Variants in CSMD1 observed in about 807,000 individuals in gnomAD.
CSMD1 encodes CUB and Sushi multiple domains 1.
Under a neutral mutation model 417.5 loss-of-function variants are expected in CSMD1, and 213 were observed. The observed-to-expected ratio is 0.51, with a 90% CI of 0.46 to 0.57. The LOEUF (loss-of-function observed/expected upper bound fraction) is 0.57. Among genes scored for constraint, CSMD1 ranks in the 20% least tolerant of loss-of-function variants. The probability of loss-of-function intolerance (pLI) is 0.00; values close to 1 mark genes in which losing one functional copy is unlikely to be tolerated. For synonymous variants in CSMD1, 2,862 were observed against 1,736.8 expected, an observed-to-expected ratio of 1.65 and a Z score of -16.11; for missense variants, 6,923 against 4,529.7, an observed-to-expected ratio of 1.53 and a Z score of -15.17.
At chr8:3,249,902 C>A (rs1800144430) in intron 26 of CSMD1, among the ~76,000 whole-genome samples, 1 of 151,970 alleles carries the variant, frequency 6.6e-6, no homozygotes, top group South Asian at 2.1e-4. Flanking sequence ...TATTGCAAAG[C>A]CAACTAAATT....
intron 2 of CSMD1, among the ~76,000 whole-genome samples, chr8:4,434,174 C>T (rs1292567053): frequency 6.6e-6 from 1 of 152,116 alleles, no homozygotes; most frequent in African/African-American, 2.4e-5. Flanking sequence ...CCAGTCTCTA[C>T]TAAAAATACA....
intron 2 of CSMD1, among the ~76,000 whole-genome samples, chr8:4,513,255 G>C (rs1050185752): frequency 6.6e-6 from 1 of 152,044 alleles, no homozygotes; most frequent in Non-Finnish European, 1.5e-5. Context: ...TGGGGACAGG[G>C]GGTATATAAA....
chr8:4,088,218 C>G (rs760817863), intron 3 of CSMD1, among the ~76,000 whole-genome samples: 24 of 152,286 alleles, frequency 1.6e-4, no homozygotes, highest in South Asian at 6.2e-4. Context: ...TGACTGATCT[C>G]TGCCTTCCTG....
At chr8:4,634,329 A>G (rs907624060) in intron 2 of CSMD1, among the ~76,000 whole-genome samples, 3 of 152,174 alleles carry the variant, frequency 2.0e-5, no homozygotes, top group Non-Finnish European at 4.4e-5. Context: ...ATTCTAAAGT[A>G]TATATTCTGT....
At chr8:4,843,936 G>A (rs956278093) in intron 1 of CSMD1, among the ~76,000 whole-genome samples, 1 of 152,184 alleles carries the variant, frequency 6.6e-6, no homozygotes, top group Admixed American at 6.5e-5. Flanking sequence ...CAGAAGCTAA[G>A]ATAGAGAAAG....
intron 1 of CSMD1, among the ~76,000 whole-genome samples, chr8:4,712,457 A>AT (rs918319150): frequency 5.3e-5 from 8 of 152,068 alleles, no homozygotes; most frequent in African/African-American, 1.7e-4. Context: ...CCTTCTCACA[A>AT]TTTTTTTTCC....
chr8:4,606,778 A>C (rs566802837), intron 2 of CSMD1, among the ~76,000 whole-genome samples: 75 of 152,348 alleles, frequency 4.9e-4, no homozygotes, highest in African/African-American at 1.8e-3. Flanking sequence ...TTTCAAATTG[A>C]CATAAAGGGG....
In CSMD1 at chr8:3,781,016, G is replaced by C. The variant is rs1799150014; in HGVS notation, c.819-26974C>G. ...ATTTTGTGTGACTCCTTGGAATAAAGTATTTCGTAGGGGAAACTGAAATCT... is the reference window on the plus strand; with the variant it reads ...ATTTTGTGTGACTCCTTGGAATAAACTATTTCGTAGGGGAAACTGAAATCT... On this transcript the variant is annotated intron_variant, in intron 5 of 69. Transcript: ENST00000635120. 2.0e-5 allele frequency among the ~76,000 whole-genome samples: 3 copies of C among 152,148 alleles called. No homozygotes were observed. In the South Asian group the frequency reaches 6.2e-4, roughly 32 times the overall value.
At chr8:4,654,462 A>G (rs1258100505) in intron 1 of CSMD1, among the ~76,000 whole-genome samples, 1 of 152,096 alleles carries the variant, frequency 6.6e-6, no homozygotes, top group East Asian at 1.9e-4. Flanking sequence ...AACTTGGAGC[A>G]TGAAGCCTTT....
At chr8:3,929,431 T>G (rs1406968412) in intron 5 of CSMD1, among the ~76,000 whole-genome samples, 1 of 150,266 alleles carries the variant, frequency 6.7e-6, no homozygotes, top group Non-Finnish European at 1.5e-5. Flanking sequence ...ACATGAGAAG[T>G]GGGTCCAAAA....
At chr8:4,444,346 CAAAA>C (rs112028005) in intron 2 of CSMD1, among the ~76,000 whole-genome samples, 64 of 46,242 alleles carry the variant, frequency 1.4e-3, no homozygotes, top group Non-Finnish European at 2.1e-3. Flanking sequence ...GACTCCATCT[CAAAA>C]AAAAAAAAAA....
At chr8:3,964,795 G>T (rs554267947) in intron 5 of CSMD1, among the ~76,000 whole-genome samples, 4 of 152,182 alleles carry the variant, frequency 2.6e-5, no homozygotes, top group Non-Finnish European at 5.9e-5. Flanking sequence ...ATTATTTGCT[G>T]ACAATCTGTT....
At chr8:4,428,341 G>C (rs1007642373) in intron 2 of CSMD1, among the ~76,000 whole-genome samples, 2 of 152,116 alleles carry the variant, frequency 1.3e-5, no homozygotes, top group Non-Finnish European at 2.9e-5. Context: ...CTATCATCTA[G>C]TACCTACTAG....
intron 2 of CSMD1, among the ~76,000 whole-genome samples, chr8:4,470,889 T>C (rs914556385): frequency 5.9e-5 from 9 of 152,230 alleles, no homozygotes; most frequent in Admixed American, 2.0e-4. Context: ...TTTAAGTAAC[T>C]CTTAATGTAA....
intron 10 of CSMD1, among the ~76,000 whole-genome samples, chr8:3,556,473 T>G (rs1397728994): frequency 6.9e-6 from 1 of 145,682 alleles, no homozygotes; most frequent in Non-Finnish European, 1.5e-5. Context: ...GTTCAGTCCT[T>G]AAGCCAAAAT....
intron 23 of CSMD1, among the ~76,000 whole-genome samples, chr8:3,320,979 TAAAG>T (rs1282915812): frequency 6.6e-6 from 1 of 152,160 alleles, no homozygotes; most frequent in Non-Finnish European, 1.5e-5. Context: ...TTTTTGGAAA[TAAAG>T]GCCGTGAGTT....
At chr8:3,571,244 G>A (rs1457299168) in intron 10 of CSMD1, among the ~76,000 whole-genome samples, 2 of 152,152 alleles carry the variant, frequency 1.3e-5, no homozygotes, top group African/African-American at 4.8e-5. Flanking sequence ...TGGTTTCCTC[G>A]GCTAACAACA....
chr8:4,081,410 G>T (rs780261668), intron 3 of CSMD1, among the ~76,000 whole-genome samples: 1 of 152,102 alleles, frequency 6.6e-6, no homozygotes, highest in Non-Finnish European at 1.5e-5. Flanking sequence ...AGGCTTTGCA[G>T]CTTCCTCCTT....
At chr8:3,228,137 AT>A (rs1798624506) in intron 27 of CSMD1, among the ~76,000 whole-genome samples, 1 of 152,174 alleles carries the variant, frequency 6.6e-6, no homozygotes, top group African/African-American at 2.4e-5. Context: ...ATTAATTGTA[AT>A]TGTCTCCAGG....
Sources: gnomAD v4.1 joint callset for allele counts (sites outside exome capture counted in the v4.1 genomes callset) on GRCh38, gnomAD v4.1.1 for gene constraint, MANE v1.5 for transcripts, NCBI Gene and HGNC (gene_info 2026-07-23, HGNC 2026-07-21) for gene names.